Variants in DNAAF11 observed in about 807,000 individuals in gnomAD.
DNAAF11 encodes leucine rich repeat containing 6.
A neutral mutation model predicts 60.8 loss-of-function variants in DNAAF11; 45 were observed. The ratio of observed to expected loss-of-function variants is 0.74; its 90% CI spans 0.58 to 0.95. The LOEUF is 0.95. Among genes scored for constraint, DNAAF11 ranks in the 40% least tolerant of loss-of-function variants. The pLI, the probability that DNAAF11 is intolerant of heterozygous loss-of-function variation, is 0.00. For missense variants in DNAAF11, 546 were observed against 546.2 expected, an observed-to-expected ratio of 1.00 and a Z score of 0.00; for synonymous variants, 191 against 183.5, an observed-to-expected ratio of 1.04 and a Z score of -0.33.
intron 11 of DNAAF11, among the ~76,000 whole-genome samples, chr8:132,581,114 T>C (rs539950996): frequency 1.2e-3 from 181 of 152,290 alleles, no homozygotes; most frequent in Non-Finnish European, 1.8e-3. Flanking sequence ...ACAAATTAAA[T>C]TGTCATACTT....
At chr8:132,691,604 A>G in the DNAAF11 span, among the ~76,000 whole-genome samples, 1 of 152,188 alleles carries the variant, frequency 6.6e-6, no homozygotes, top group Non-Finnish European at 1.5e-5. Context: ...GAAACTTACA[A>G]TCATGGTAGA....
intron 3 of DNAAF11, 95 bp downstream of exon 3, chr8:132,656,735 G>T (rs1823611994): frequency 1.7e-6 from 1 of 579,472 alleles, no homozygotes; most frequent in African/African-American, 2.0e-5. Context: ...GCCTCCCAAA[G>T]TGCTGGGATT....
chr8:132,596,551 T>C (rs753376554), intron 10 of DNAAF11, among the ~76,000 whole-genome samples: 15 of 152,200 alleles, frequency 9.9e-5, no homozygotes, highest in Non-Finnish European at 2.1e-4. Context: ...TCTCTAAACA[T>C]GCTGGAGAGG....
chr8:132,682,446 A>T, the DNAAF11 span, among the ~76,000 whole-genome samples: 1 of 152,202 alleles, frequency 6.6e-6, no homozygotes, highest in Non-Finnish European at 1.5e-5. Flanking sequence ...ACCACTGTCA[A>T]TGCCACAAGG....
In DNAAF11 at chr8:132,625,414, T is replaced by C. The variant is rs1820158252; in HGVS notation, c.694A>G (p.Thr232Ala). ...AATTTCTTTGTGTTGTGTTCCTCTG[T>C]GTCTGGTGCCTGTAGGTGGTCTTTG... ...ESKDHLQAPD[T>A]EEHNTKKLDN... Residue 232 changes from threonine (T) to alanine (A), a missense_variant, in exon 6 of 12, where the codon ACA (threonine) becomes GCA (alanine). By Grantham distance (58) the Thr-to-Ala change is moderately conservative. Transcript: ENST00000620350. 6.2e-7 allele frequency: 1 copy of C among 1,612,902 alleles called. No individual in the cohort carries two copies. Among genetic ancestry groups the C allele is most frequent in the Non-Finnish European group, 8.5e-7 (1 of 1,179,452 alleles).
At chr8:132,684,416 G>A in the DNAAF11 span, among the ~76,000 whole-genome samples, 140 of 152,256 alleles carry the variant, frequency 9.2e-4, 1 homozygote, top group East Asian at 0.024. Context: ...TTTTTACTGG[G>A]GTTTCATCAC....
At chr8:132,607,007 G>A (rs918482526) in intron 10 of DNAAF11, among the ~76,000 whole-genome samples, 2 of 152,190 alleles carry the variant, frequency 1.3e-5, no homozygotes, top group Non-Finnish European at 2.9e-5. Flanking sequence ...TAAATTTAGT[G>A]TAGCCTAAGG....
intron 3 of DNAAF11, among the ~76,000 whole-genome samples, chr8:132,642,901 A>C (rs10441529): frequency 0.52 from 79,488 of 152,146 alleles, 24,250 homozygotes; most frequent in African/African-American, 0.86. Context: ...GGTCTCCAAC[A>C]TTTTTGGCAC....
the DNAAF11 span, among the ~76,000 whole-genome samples, chr8:132,697,109 C>T: frequency 2.0e-5 from 3 of 152,214 alleles, no homozygotes; most frequent in African/African-American, 7.2e-5. Flanking sequence ...CATGAAATGT[C>T]CAGAATAGGC....
intron 8 of DNAAF11, among the ~76,000 whole-genome samples, chr8:132,612,292 A>G (rs1021469419): frequency 6.6e-6 from 1 of 152,236 alleles, no homozygotes; most frequent in African/African-American, 2.4e-5. Flanking sequence ...ATTATATGCC[A>G]TTTAAAAACA....
chr8:132,637,897 A>G (rs371720287), intron 4 of DNAAF11, 38 bp downstream of exon 4: 17 of 1,552,520 alleles, frequency 1.1e-5, no homozygotes, highest in Non-Finnish European at 1.4e-5. Flanking sequence ...GCTCATGCTC[A>G]TTTATCTGTG....
In DNAAF11 at chr8:132,651,279, A is replaced by G. The variant is rs1429242801; in HGVS notation, c.256+5551T>C. Among the ~76,000 whole-genome samples the G allele has an allele frequency of 2.0e-5, 3 of 151,964 alleles. No homozygotes were observed. The East Asian group carries it at 5.8e-4, about 29-fold the overall frequency. On this transcript the variant is annotated intron_variant, in intron 3 of 11. Coordinates refer to ENST00000620350, the MANE Select transcript of DNAAF11 (RefSeq NM_012472.6). ...TGAATCTTCAACAGGAGAAAAAGAA[A>G]AAAAAAAGGATACTAGCTATTTTTT...
At chr8:132,608,589 C>A (rs1325964979) in intron 10 of DNAAF11, 1 of 386,012 alleles carries the variant, frequency 2.6e-6, no homozygotes, top group South Asian at 2.0e-5. Flanking sequence ...TCTTGATTTC[C>A]CTTTAGGAAT....
chr8:132,637,347 T>G (rs1821405716), intron 4 of DNAAF11, among the ~76,000 whole-genome samples: 1 of 152,228 alleles, frequency 6.6e-6, no homozygotes, highest in African/African-American at 2.4e-5. Flanking sequence ...GGCTCATGCC[T>G]GTAATCCCAG....
At chr8:132,650,516 A>G (rs1822897882) in intron 3 of DNAAF11, among the ~76,000 whole-genome samples, 1 of 152,218 alleles carries the variant, frequency 6.6e-6, no homozygotes, top group Non-Finnish European at 1.5e-5. Flanking sequence ...TTAAAGTACA[A>G]TAAAAAATAA....
chr8:132,584,481 C>CGTG (rs1815672722), intron 10 of DNAAF11, among the ~76,000 whole-genome samples: 1 of 152,200 alleles, frequency 6.6e-6, no homozygotes, highest in Admixed American at 6.5e-5. Flanking sequence ...AGGCACACAC[C>CGTG]TACCAATATC....
At chr8:132,678,510 C>G (rs986683251), upstream of DNAAF11, among the ~76,000 whole-genome samples, 1 of 152,108 alleles carries the variant, frequency 6.6e-6, no homozygotes, top group Non-Finnish European at 1.5e-5. Flanking sequence ...AGTCTTCAAC[C>G]TTGGGACTAT....
chr8:132,575,763 G>A (rs1365360322), intron 11 of DNAAF11, among the ~76,000 whole-genome samples: 3 of 152,136 alleles, frequency 2.0e-5, no homozygotes, highest in Non-Finnish European at 4.4e-5. Context: ...GAAAACATTT[G>A]TTCTGCTTAC....
intron 10 of DNAAF11, among the ~76,000 whole-genome samples, chr8:132,590,211 G>A (rs1816319351): frequency 1.3e-5 from 2 of 152,216 alleles, no homozygotes; most frequent in African/African-American, 2.4e-5. Flanking sequence ...AGGCAATGGA[G>A]GGAAGCTGGA....
Sources: allele counts gnomAD v4.1 joint callset (sites outside exome capture counted in the v4.1 genomes callset), GRCh38; gene constraint gnomAD v4.1.1; transcripts MANE v1.5; gene names NCBI Gene and HGNC (gene_info 2026-07-23, HGNC 2026-07-21).